The following ZNF398 variants were observed in gnomAD, a reference collection of about 807,000 sequenced individuals.
ZNF398 encodes the protein zinc finger protein 398, also known as zinc finger DNA binding protein ZER6.
ZNF398 carries 18 observed loss-of-function variants against 41.9 expected under a neutral mutation model. The observed-to-expected ratio is 0.43, with a 90% CI of 0.30 to 0.64. The LOEUF (loss-of-function observed/expected upper bound fraction) is 0.64, where lower values mean the gene tolerates loss of function less well. Ranked by LOEUF, ZNF398 falls within the 30% of genes least tolerant of loss-of-function variation. ZNF398 has a pLI of 0.14. For synonymous variants in ZNF398, 260 were observed against 308.8 expected, an observed-to-expected ratio of 0.84 and a Z score of 1.66; for missense variants, 669 against 822.8, an observed-to-expected ratio of 0.81 and a Z score of 2.29.
At chr7:149,150,894 G>A (rs1827094282) in intron 1 of ZNF398, among the ~76,000 whole-genome samples, 1 of 152,118 alleles carries the variant, frequency 6.6e-6, no homozygotes, top group Non-Finnish European at 1.5e-5. Context: ...TTTTTTAGTA[G>A]AGATAGGGTT....
chr7:149,130,470 T>G (rs1826574078), intron 2 of ZNF398, among the ~76,000 whole-genome samples: 1 of 152,202 alleles, frequency 6.6e-6, no homozygotes, highest in Non-Finnish European at 1.5e-5. Flanking sequence ...AAATAAATTT[T>G]TATTTCTTTA....
At chr7:149,152,919 G>A (rs1794883811) in intron 1 of ZNF398, among the ~76,000 whole-genome samples, 1 of 150,818 alleles carries the variant, frequency 6.6e-6, no homozygotes, top group African/African-American at 2.4e-5. Context: ...CAGTGCAGTG[G>A]CATAATCTTG....
At position 149,176,567 on chromosome 7, in the gene ZNF398, A is replaced by G. The variant is rs1461951132; in HGVS notation, c.761A>G (p.Lys254Arg). 3.7e-6 allele frequency: 6 copies of G among 1,607,540 alleles called. No homozygotes were observed. In the South Asian group the frequency reaches 6.7e-5, roughly 18 times the overall value. ...GAGTCCAAGGAGAGTGACGTGTACA[A>G]AAGCACTTATGCTGGTGAGTATGAA... ...PPESKESDVY[K>R]STYADEELVI... The change falls in exon 5 of 6, where the codon AAA becomes AGA. Residue 254 changes from lysine to arginine, a missense_variant. Lys to Arg is a conservative substitution (Grantham distance 26). Around this residue, in one of 3 missense-constraint regions of ZNF398, gnomAD observed 290 missense variants for 292.9 expected, o/e 0.99. Transcript: ENST00000475153.
At chr7:149,169,520 G>A (rs572424969) in intron 4 of ZNF398, among the ~76,000 whole-genome samples, 4 of 152,100 alleles carry the variant, frequency 2.6e-5, no homozygotes, top group Non-Finnish European at 4.4e-5. Context: ...GCCATGATCT[G>A]AGATCAGTGC....
intron 2 of ZNF398, among the ~76,000 whole-genome samples, chr7:149,130,338 C>G (rs749393439): frequency 6.6e-6 from 1 of 151,948 alleles, no homozygotes; most frequent in African/African-American, 2.4e-5. Context: ...TCAAGTGATC[C>G]GCCTGCCTTG....
rs1795581485 is a variant in ZNF398 at position 149,181,159 on chromosome 7, A to C, written c.*1358A>C. On this transcript the variant is annotated 3_prime_UTR_variant, in exon 6 of 6. Transcript: ENST00000475153. Reference sequence around the variant, plus strand: ...CACAATGAGGCTGTTGAAAGGAAAAAAAGTGAGCCTCTAGGAATTATTCAA... The same window carrying C: ...CACAATGAGGCTGTTGAAAGGAAAACAAGTGAGCCTCTAGGAATTATTCAA... The C allele has an allele frequency of 6.6e-6, 1 of 152,592 alleles. No homozygotes were observed. The highest frequency in any genetic ancestry group is 2.4e-5 in the African/African-American group (1 of 41,436). The allele number at this position is 152,592 out of a possible 1,614,324, so 9.5% of individuals were successfully genotyped here.
intron 2 of ZNF398, among the ~76,000 whole-genome samples, chr7:149,159,239 G>A (rs950755813): frequency 2.6e-5 from 4 of 151,902 alleles, no homozygotes; most frequent in African/African-American, 9.7e-5. Context: ...ACCGCGCCTG[G>A]CCATCTCTTA....
In ZNF398 at chr7:149,158,986, A is replaced by AT. The variant is rs879780185; in HGVS notation, c.420+4658dup. On this transcript the variant is annotated intron_variant, in intron 2 of 5. Transcript: ENST00000475153. ...TAAAGTAATGTGATTTCCCTTAAAG[A>AT]TTTTTTTTTTTTGAGATGGAGTCTC... Among the ~76,000 whole-genome samples the AT allele has an allele frequency of 2.0e-3, 294 of 146,046 alleles. 1 individual carries two copies. The highest frequency in any genetic ancestry group is 5.8e-3 in the African/African-American group (233 of 40,112).
intron 2 of ZNF398, among the ~76,000 whole-genome samples, chr7:149,138,409 A>G (rs767468759): frequency 1.3e-5 from 2 of 151,848 alleles, no homozygotes; most frequent in Non-Finnish European, 2.9e-5. Context: ...GCGAAATACC[A>G]TCTCTACTAA....
chr7:149,178,688 C>A lies in ZNF398; in HGVS notation c.816C>A (p.Ser272=), dbSNP rs1281260317. Residue 272 remains serine (S), a synonymous_variant, in exon 6 of 6, where the codon TCC becomes TCA. Transcript: ENST00000475153. ...TCAAAGCTGAAGGCCTTGCTAGATC[C>A]TCGTTGTGCCCTGAGGTTCCAGTCC... ...LVIKAEGLAR[S]SLCPEVPVPF... The A allele has an allele frequency of 2.5e-6, 4 of 1,614,106 alleles. No homozygotes were observed. The highest frequency in any genetic ancestry group is 2.5e-6 in the Non-Finnish European group (3 of 1,180,018).
upstream of ZNF398, among the ~76,000 whole-genome samples, chr7:149,144,625 G>C (rs1239739821): frequency 6.9e-6 from 1 of 145,706 alleles, no homozygotes; most frequent in African/African-American, 2.6e-5. Context: ...TTTCACTCTT[G>C]TTTCCCAGGC....
chr7:149,166,074 A>T, intron 2 of ZNF398, 84 bp from the exon 3 acceptor site: 1 of 1,451,830 alleles, frequency 6.9e-7, no homozygotes, highest in Non-Finnish European at 9.4e-7. Flanking sequence ...AATGTAAAAA[A>T]AATAAAAGGA....
intron 2 of ZNF398, among the ~76,000 whole-genome samples, chr7:149,133,414 A>G (rs1826637070): frequency 6.6e-6 from 1 of 151,640 alleles, no homozygotes; most frequent in South Asian, 2.1e-4. Context: ...GTGCCAGGCC[A>G]TCAGCATGGT....
intron 2 of ZNF398, among the ~76,000 whole-genome samples, chr7:149,141,296 CTT>C (rs35880201): frequency 1.7e-3 from 233 of 133,848 alleles, no homozygotes; most frequent in Admixed American, 1.6e-3. Context: ...AATCCACAGA[CTT>C]TTTTTTTTTT....
chr7:149,126,423 T>G, exon 1 of ZNF398: 2 of 922,026 alleles, frequency 2.2e-6, no homozygotes, highest in Non-Finnish European at 3.1e-6. Flanking sequence ...GAGTCGGTCC[T>G]CAGAGGAGGG....
At chr7:149,133,761 T>G (rs1459820781) in intron 2 of ZNF398, among the ~76,000 whole-genome samples, 1 of 140,258 alleles carries the variant, frequency 7.1e-6, no homozygotes, top group South Asian at 2.2e-4. Context: ...ATTTTTTTTT[T>G]TTGTTTTTTT....
At chr7:149,162,877 G>C (rs1322745021) in intron 2 of ZNF398, among the ~76,000 whole-genome samples, 1 of 146,906 alleles carries the variant, frequency 6.8e-6, no homozygotes, top group Non-Finnish European at 1.5e-5. Context: ...GGCCAACATG[G>C]CAAACCCCTG....
intron 1 of ZNF398, chr7:149,148,327 C>A: frequency 1.9e-6 from 1 of 514,354 alleles, no homozygotes; most frequent in Non-Finnish European, 2.5e-6. Context: ...CGTGGCGGTT[C>A]ATTCGCGGGT....
In ZNF398 at chr7:149,140,527, G is replaced by T. The variant is rs771832163; in HGVS notation, c.-490+11583G>T. On this transcript the variant is annotated intron_variant, in intron 2 of 6. Transcript: ENST00000426851. ...AGCCCCCTAGTAGCTGGGATTACAG[G>T]CAAGTGCCACTATGCCCGGCTAACT... Among the ~76,000 whole-genome samples, 2 of 152,074 alleles carry T rather than the reference G, an allele frequency of 1.3e-5. 1 individual carries two copies. The highest frequency in any genetic ancestry group is 4.1e-4 in the South Asian group (2 of 4,826).
Sources: allele counts gnomAD v4.1 joint callset (sites outside exome capture counted in the v4.1 genomes callset), GRCh38; gene constraint gnomAD v4.1.1; regional missense constraint gnomAD v4.1.1; transcripts MANE v1.5; gene names NCBI Gene and HGNC (gene_info 2026-07-23, HGNC 2026-07-21).